The following RSF1 variants were observed in gnomAD, a reference collection of about 807,000 sequenced individuals.
RSF1 encodes remodeling and spacing factor 1, also known as HBV pX-associated protein 8.
A neutral mutation model predicts 145.2 loss-of-function variants in RSF1; 13 were observed. The observed-to-expected ratio is 0.09, with a 90% CI of 0.06 to 0.14. RSF1 has a LOEUF of 0.14. RSF1 is among the 10% of genes least tolerant of loss of function. RSF1 has a pLI of 1.00. For synonymous variants in RSF1, 577 were observed against 592.6 expected, an observed-to-expected ratio of 0.97 and a Z score of 0.38; for missense variants, 1,517 against 1,718.2, an observed-to-expected ratio of 0.88 and a Z score of 2.07.
rs1960528994 is a variant in RSF1 at position 77,705,589 on chromosome 11, T to A, written c.734-3094A>T. ...TATTTTGTTCAGGAAGGCACTTGCC[T>A]CCTCAAACACCTTAAAGCTGTGAGT... On this transcript the variant is annotated intron_variant, in intron 5 of 15. Coordinates refer to ENST00000308488, the MANE Select transcript of RSF1 (RefSeq NM_016578.4). Among the ~76,000 whole-genome samples, 3 of 152,218 alleles carry A rather than the reference T, an allele frequency of 2.0e-5. No individual in the cohort carries two copies. The South Asian group carries it at 6.2e-4, about 31-fold the overall frequency.
chr11:77,788,142 CAAAAAAAAAAAAAAAAA>C (rs66595170), intron 1 of RSF1, among the ~76,000 whole-genome samples: 6 of 3,434 alleles, frequency 1.7e-3, no homozygotes, highest in Admixed American at 7.5e-3. Flanking sequence ...GACACTATCT[CAAAAAAAAAAAAAAAAA>C]AAAAAAAAAA....
the RSF1 span, among the ~76,000 whole-genome samples, chr11:77,849,349 G>A: frequency 9.2e-5 from 14 of 152,152 alleles, no homozygotes; most frequent in Non-Finnish European, 1.8e-4. Flanking sequence ...AGCCTCCTGA[G>A]TAGCTGGGAT....
At chr11:77,785,875 G>A (rs1190893464) in intron 1 of RSF1, among the ~76,000 whole-genome samples, 21 of 126,018 alleles carry the variant, frequency 1.7e-4, no homozygotes, top group Middle Eastern at 6.8e-3. Context: ...GCAGCGAGCC[G>A]AGATCGCGCC....
chr11:77,785,169 G>A (rs1411492118), intron 1 of RSF1, among the ~76,000 whole-genome samples: 1 of 152,168 alleles, frequency 6.6e-6, no homozygotes, highest in Non-Finnish European at 1.5e-5. Context: ...AAACAATCCT[G>A]ATTTGCCTTA....
At position 77,785,925 on chromosome 11, in the gene RSF1, CAAAAAAAAAAAAAA is replaced by C. The variant is rs10661397; in HGVS notation, c.188-21250_188-21237del. On this transcript the variant is annotated intron_variant, in intron 1 of 15. Transcript: ENST00000308488. ...TGGGCGACAGAGTGAGATTCTGTCT[CAAAAAAAAAAAAAA>C]AAAAAAAAAAAAAAAGAATTATACG... Among the ~76,000 whole-genome samples, 12 of 37,140 alleles carry C rather than the reference CAAAAAAAAAAAAAA, an allele frequency of 3.2e-4. 1 individual carries two copies. In the East Asian group the frequency reaches 0.01, roughly 31 times the overall value. The allele number at this position is 37,140 out of a possible 152,430, so 24.4% of individuals were successfully genotyped here. A position where few individuals can be genotyped will look rare whatever the true frequency, so the allele number is the denominator to read the frequency against.
At chr11:77,678,015 GC>G in intron 12 of RSF1, 70 bp downstream of exon 12, 1 of 976,300 alleles carries the variant, frequency 1.0e-6, no homozygotes, top group Non-Finnish European at 1.7e-6. Context: ...TATGCTCACT[GC>G]CCTAATTTGG....
intron 1 of RSF1, among the ~76,000 whole-genome samples, chr11:77,789,437 T>C (rs1948493609): frequency 6.6e-6 from 1 of 152,150 alleles, no homozygotes; most frequent in Non-Finnish European, 1.5e-5. Context: ...ACTCAAGTGA[T>C]GCATGGACTA....
At chr11:77,865,158 C>A in the RSF1 span, among the ~76,000 whole-genome samples, 4 of 152,190 alleles carry the variant, frequency 2.6e-5, no homozygotes, top group African/African-American at 9.7e-5. Context: ...TTCTACTGCA[C>A]ATGATTTGCC....
intron 5 of RSF1, among the ~76,000 whole-genome samples, chr11:77,723,136 A>G (rs990637329): frequency 1.3e-4 from 20 of 152,226 alleles, no homozygotes; most frequent in Non-Finnish European, 4.4e-5. Flanking sequence ...AAGAATAGAA[A>G]TTCAACAGGA....
At chr11:77,813,658 CG>C in intron 1 of RSF1, 1 of 557,230 alleles carries the variant, frequency 1.8e-6, no homozygotes, top group Non-Finnish European at 3.3e-6. Flanking sequence ...CGTGTTTTTC[CG>C]GTAACCTTCA....
intron 1 of RSF1, among the ~76,000 whole-genome samples, chr11:77,783,157 C>G (rs1406749942): frequency 3.3e-5 from 5 of 152,194 alleles, no homozygotes; most frequent in African/African-American, 9.6e-5. Context: ...ACCTCACATA[C>G]AACATGAACA....
intron 13 of RSF1, 89 bp downstream of exon 13, chr11:77,676,703 C>A: frequency 9.4e-7 from 1 of 1,068,292 alleles, no homozygotes; most frequent in Non-Finnish European, 1.4e-6. Flanking sequence ...AGAAGAAAAC[C>A]CTCATCACAG....
At position 77,744,536 on chromosome 11, in the gene RSF1, C is replaced by T. The variant is rs148615336; in HGVS notation, c.372+2500G>A. Among the ~76,000 whole-genome samples, 166 of 152,250 alleles carry T rather than the reference C, an allele frequency of 1.1e-3. 2 individuals are homozygous for T. The highest frequency in any genetic ancestry group is 4.0e-4 in the Non-Finnish European group (27 of 68,030). ...CCCAGGCTGGTGTTGAACTCCTGGG[C>T]TAAAGTGATTCTCTTGCCTCAGCTT... On this transcript the variant is annotated intron_variant, in intron 3 of 15. Coordinates refer to ENST00000308488, the MANE Select transcript of RSF1 (RefSeq NM_016578.4).
intron 1 of RSF1, among the ~76,000 whole-genome samples, chr11:77,799,818 G>A (rs1297087200): frequency 6.6e-6 from 1 of 152,100 alleles, no homozygotes; most frequent in Non-Finnish European, 1.5e-5. Flanking sequence ...AGAAATGCAA[G>A]CAGGGATAGT....
At chr11:77,821,663 G>A (rs746613689), upstream of RSF1, among the ~76,000 whole-genome samples, 6 of 151,896 alleles carry the variant, frequency 4.0e-5, no homozygotes, top group Non-Finnish European at 8.8e-5. Flanking sequence ...TTGAGAGGCG[G>A]AACATGACAG....
In RSF1 at chr11:77,663,435, C is replaced by CT. The variant is rs1344107883; in HGVS notation, c.*3481dup. The CT allele has an allele frequency of 6.6e-6, 1 of 152,098 alleles. No homozygotes were observed. The highest frequency in any genetic ancestry group is 2.4e-5 in the African/African-American group (1 of 41,418). The allele number at this position is 152,098 out of a possible 1,614,324, so 9.4% of individuals were successfully genotyped here. On this transcript the variant is annotated 3_prime_UTR_variant, in exon 16 of 16. Coordinates refer to ENST00000308488, the MANE Select transcript of RSF1 (RefSeq NM_016578.4). ...GTAAAAACTGGGTACGTGTAACACC[C>CT]TTTTAAAATTAATTTGTTTAAAAAT... is the stretch of plus-strand genomic sequence containing the variant.
At chr11:77,703,986 T>A (rs2135857129) in intron 5 of RSF1, among the ~76,000 whole-genome samples, 1 of 152,324 alleles carries the variant, frequency 6.6e-6, no homozygotes, top group South Asian at 2.1e-4. Context: ...AAAATACTGA[T>A]TACTATCTTT....
chr11:77,820,136 A>C (rs1220180507), intron 1 of RSF1, among the ~76,000 whole-genome samples: 1 of 152,106 alleles, frequency 6.6e-6, no homozygotes, highest in Non-Finnish European at 1.5e-5. Flanking sequence ...GGAGGAGGAG[A>C]AAAGCGCAAA....
chr11:77,812,852 T>A (rs1367201199), intron 1 of RSF1, among the ~76,000 whole-genome samples: 3 of 136,440 alleles, frequency 2.2e-5, no homozygotes, highest in African/African-American at 5.6e-5. Context: ...ATCGCACTAC[T>A]ACACTCTAGC....
Sources: gnomAD v4.1 joint callset for allele counts (sites outside exome capture counted in the v4.1 genomes callset) on GRCh38, gnomAD v4.1.1 for gene constraint, MANE v1.5 for transcripts, NCBI Gene and HGNC (gene_info 2026-07-23, HGNC 2026-07-21) for gene names.